FAT3: variants seen among roughly 807,000 people sequenced by gnomAD.
FAT3 encodes the protein protocadherin Fat 3.
A neutral mutation model predicts 310.2 loss-of-function variants in FAT3; 95 were observed. That is an observed-to-expected ratio of 0.31 (90% CI 0.26 to 0.36). The LOEUF (loss-of-function observed/expected upper bound fraction) is 0.36. Ranked by LOEUF, FAT3 falls within the 10% of genes least tolerant of loss-of-function variation. The probability of loss-of-function intolerance (pLI) is 1.00; values close to 1 mark genes in which losing one functional copy is unlikely to be tolerated. For missense variants in FAT3, 5,408 were observed against 5,715.6 expected (o/e 0.95, Z 1.74); for synonymous variants, 2,314 against 2,192.9 (o/e 1.06, Z -1.54).
At chr11:92,462,201 A>C (rs1034513161) in intron 2 of FAT3, among the ~76,000 whole-genome samples, 6 of 151,958 alleles carry the variant, frequency 3.9e-5, no homozygotes, top group African/African-American at 1.5e-4. Flanking sequence ...CAGGGAGTAC[A>C]TGTGCAAGTT....
chr11:92,597,432 A>G (rs547535), intron 3 of FAT3, among the ~76,000 whole-genome samples: 85,772 of 152,040 alleles, frequency 0.56, 25,689 homozygotes, highest in African/African-American at 0.77. Context: ...TGTAAACTTC[A>G]GGCTCTGTGG....
At chr11:92,559,729 A>G (rs1192064986) in intron 3 of FAT3, among the ~76,000 whole-genome samples, 1 of 152,134 alleles carries the variant, frequency 6.6e-6, no homozygotes, top group African/African-American at 2.4e-5. Context: ...CGTAACATAT[A>G]GTCTTTTGTG....
intron 21 of FAT3, among the ~76,000 whole-genome samples, 165 bp from the exon 22 acceptor site, chr11:92,866,576 G>A (rs937257703): frequency 2.6e-5 from 4 of 152,134 alleles, no homozygotes; most frequent in African/African-American, 9.7e-5. Flanking sequence ...TAAGGGGGAG[G>A]CACAGTGGTT....
chr11:92,814,442 G>C (rs1947767111), intron 13 of FAT3, among the ~76,000 whole-genome samples: 1 of 152,090 alleles, frequency 6.6e-6, no homozygotes, highest in African/African-American at 2.4e-5. Flanking sequence ...AACAGAAGAG[G>C]ACAAGATAAT....
intron 3 of FAT3, among the ~76,000 whole-genome samples, chr11:92,545,001 A>T (rs1019234591): frequency 6.6e-6 from 1 of 152,148 alleles, no homozygotes; most frequent in Non-Finnish European, 1.5e-5. Flanking sequence ...GCCTCTAAGG[A>T]TAGGTCTTAT....
chr11:92,326,105 T>G (rs993196367), intron 1 of FAT3, among the ~76,000 whole-genome samples: 1 of 152,218 alleles, frequency 6.6e-6, no homozygotes, highest in Non-Finnish European at 1.5e-5. Context: ...ACCAGAGTCA[T>G]GGAGGCTCCA....
At chr11:92,523,663 A>C (rs898270796) in intron 2 of FAT3, among the ~76,000 whole-genome samples, 2 of 152,148 alleles carry the variant, frequency 1.3e-5, no homozygotes, top group African/African-American at 2.4e-5. Flanking sequence ...ATAAGGATTT[A>C]CATGAATTTC....
Position 92,893,363 on chromosome 11 carries a change from C to T in FAT3, c.*2250C>T, listed in dbSNP as rs752135899. The T allele has an allele frequency of 6.6e-6, 1 of 152,192 alleles. No homozygotes were observed. The highest frequency in any genetic ancestry group is 1.5e-5 in the Non-Finnish European group (1 of 68,046). The allele number at this position is 152,192 out of a possible 1,614,324, so 9.4% of individuals were successfully genotyped here. On this transcript the variant is annotated 3_prime_UTR_variant, in exon 28 of 28. Transcript: ENST00000525166. ...TGGTATTTTTCTTATGTAAGAAGCA[C>T]ATTTGCAAGAATCATGGAAAAAAAT...
intron 3 of FAT3, among the ~76,000 whole-genome samples, chr11:92,569,742 C>T (rs532127248): frequency 1.2e-4 from 19 of 152,176 alleles, no homozygotes; most frequent in Non-Finnish European, 2.4e-4. Context: ...TAATGTCCCC[C>T]CTTTACTTGT....
At chr11:92,591,326 T>C (rs1323690194) in intron 3 of FAT3, among the ~76,000 whole-genome samples, 1 of 152,140 alleles carries the variant, frequency 6.6e-6, no homozygotes, top group African/African-American at 2.4e-5. Flanking sequence ...CTGCCACAAA[T>C]GAGCTTTCTG....
intron 2 of FAT3, chr11:92,366,784 C>T: frequency 3.8e-6 from 2 of 531,412 alleles, no homozygotes; most frequent in Admixed American, 1.9e-5. Flanking sequence ...TAGTGTCCTT[C>T]AGATGCTCAC....
At chr11:92,436,462 C>G (rs1445749160) in intron 2 of FAT3, among the ~76,000 whole-genome samples, 1 of 152,114 alleles carries the variant, frequency 6.6e-6, no homozygotes. Flanking sequence ...GTTTGATACC[C>G]AAAGTCCTGT....
intron 3 of FAT3, among the ~76,000 whole-genome samples, chr11:92,667,357 C>G (rs1205255573): frequency 6.6e-6 from 1 of 152,142 alleles, no homozygotes; most frequent in African/African-American, 2.4e-5. Flanking sequence ...CTTCTCCACA[C>G]CTTCTTGTAC....
At chr11:92,240,597 A>C (rs2134251021) in intron 1 of FAT3, among the ~76,000 whole-genome samples, 1 of 151,290 alleles carries the variant, frequency 6.6e-6, no homozygotes, top group African/African-American at 2.4e-5. Context: ...AACCCAAAAA[A>C]CCAAATCCCA....
intron 1 of FAT3, among the ~76,000 whole-genome samples, chr11:92,317,806 TGA>T (rs1412081049): frequency 6.6e-6 from 1 of 152,196 alleles, no homozygotes; most frequent in African/African-American, 2.4e-5. Context: ...CTGCTGGTCT[TGA>T]GCAGTTTTCC....
At chr11:92,774,873 G>A (rs940887717) in intron 7 of FAT3, among the ~76,000 whole-genome samples, 1 of 152,200 alleles carries the variant, frequency 6.6e-6, no homozygotes, top group African/African-American at 2.4e-5. Flanking sequence ...ATTGAGAGCA[G>A]GAGGAAAAGA....
chr11:92,593,974 C>T (rs914246880), intron 3 of FAT3, among the ~76,000 whole-genome samples: 1 of 152,118 alleles, frequency 6.6e-6, no homozygotes, highest in Non-Finnish European at 1.5e-5. Context: ...ATGCTTGCAA[C>T]AAAACATGAG....
chr11:92,374,472 G>C (rs1036967010), intron 2 of FAT3, among the ~76,000 whole-genome samples: 1 of 152,180 alleles, frequency 6.6e-6, no homozygotes, highest in Non-Finnish European at 1.5e-5. Flanking sequence ...AGGAATTTTA[G>C]TTTTGTTACC....
Position 92,756,835 on chromosome 11 carries a change from GTTGTAATTGTCCTGTT to G in FAT3, c.3670-5006_3670-4991del, listed in dbSNP as rs563974550. On this transcript the variant is annotated intron_variant, in intron 4 of 27. Coordinates refer to ENST00000525166, the MANE Select transcript of FAT3 (RefSeq NM_001367949.2). ...GAATAGACTTAAAGACATGTTTCTT[GTTGTAATTGTCCTGTT>G]TTGTAATTGTCCTGCCTCCTGGCTC... Among the ~76,000 whole-genome samples, 693 of 148,922 alleles carry G rather than the reference GTTGTAATTGTCCTGTT, an allele frequency of 4.7e-3. 2 individuals carry two copies. The highest frequency in any genetic ancestry group is 0.013 in the South Asian group (60 of 4,686).
Sources: allele counts gnomAD v4.1 joint callset (sites outside exome capture counted in the v4.1 genomes callset), GRCh38; gene constraint gnomAD v4.1.1; transcripts MANE v1.5; gene names NCBI Gene and HGNC (gene_info 2026-07-23, HGNC 2026-07-21).